PCYT2: variants seen among roughly 807,000 people sequenced by gnomAD.
PCYT2 encodes the protein phosphate cytidylyltransferase 2, ethanolamine.
A neutral mutation model predicts 50.0 loss-of-function variants in PCYT2; 33 were observed. That is an observed-to-expected ratio of 0.66 (90% CI 0.50 to 0.88). PCYT2 has a LOEUF of 0.88. Among genes scored for constraint, PCYT2 ranks in the 40% least tolerant of loss-of-function variants. The probability of loss-of-function intolerance (pLI) is 0.00; values close to 1 mark genes in which losing one functional copy is unlikely to be tolerated. For synonymous variants in PCYT2, 240 were observed against 203.7 expected (o/e 1.18, Z -1.52); for missense variants, 430 against 519.7 (o/e 0.83, Z 1.68).
Position 81,905,720 on chromosome 17 carries a change from C to G in PCYT2, c.853G>C (p.Val285Leu), listed in dbSNP as rs1184493032. The change falls in exon 10 of 13, where the codon GTG becomes CTG. Residue 285 changes from valine to leucine, a missense_variant. Physicochemically the swap from Val to Leu is conservative, Grantham distance 32 (BLOSUM62 1). Around this residue, in one of 4 missense-constraint regions of PCYT2, gnomAD observed 248 missense variants for 300.2 expected, o/e 0.83. Transcript: ENST00000538936. Reference protein sequence around the residue: ...VLACRYVSEVVIGAPYAVTAE... With the variant: ...VLACRYVSEVLIGAPYAVTAE... The stretch of plus-strand genomic sequence containing the variant: ...GTGACCGCGTACGGGGCTCCAATCA[C>G]CACTTCTGACACGTACTGTGGGGAC... The G allele has an allele frequency of 1.2e-6, 2 of 1,613,638 alleles. No homozygotes were observed. Among genetic ancestry groups the G allele is most frequent in the Non-Finnish European group, 1.7e-6 (2 of 1,179,968 alleles).
Position 81,905,874 on chromosome 17 carries a change from C to T in PCYT2, c.838-139G>A, listed in dbSNP as rs571835210. 10 of 893,714 alleles carry T rather than the reference C, an allele frequency of 1.1e-5. No homozygotes were observed. In the East Asian group the frequency reaches 1.7e-4, roughly 15 times the overall value. 55.4% of individuals were successfully genotyped at this position (893,714 alleles called of 1,614,324 possible). ...GGGATGGGCTGGGCAGGCTGGGGACCCCTGGGGCTCCTCCATGAGACAAGA... is the reference window on the plus strand; with the variant it reads ...GGGATGGGCTGGGCAGGCTGGGGACTCCTGGGGCTCCTCCATGAGACAAGA... On this transcript the variant is annotated intron_variant, in intron 9 of 12. Coordinates refer to ENST00000538936, the MANE Select transcript of PCYT2 (RefSeq NM_002861.5).
At chr17:81,909,434 G>A (rs2060261626) in intron 2 of PCYT2, 80 bp downstream of exon 2, 2 of 1,508,270 alleles carry the variant, frequency 1.3e-6, no homozygotes, top group Admixed American at 3.4e-5. Context: ...GGTGGCCCCA[G>A]GCCTGCAGGC....
intron 12 of PCYT2, 48 bp from the exon 13 acceptor site, chr17:81,904,992 C>A: frequency 6.3e-7 from 1 of 1,590,526 alleles, no homozygotes; most frequent in Non-Finnish European, 8.6e-7. Flanking sequence ...GAGGCGGCTC[C>A]GAGGGGGAGG....
chr17:81,910,811 C>CCGAT, intron 1 of PCYT2: 1 of 844,492 alleles, frequency 1.2e-6, no homozygotes, highest in South Asian at 5.4e-5. Context: ...CCAGGGAAGA[C>CCGAT]CGATCGCATT....
intron 2 of PCYT2, 167 bp downstream of exon 2, chr17:81,909,347 A>G (rs1225667099): frequency 7.0e-7 from 1 of 1,430,534 alleles, no homozygotes; most frequent in East Asian, 2.5e-5. Context: ...CAAGATGGGA[A>G]AGGCATTAGG....
At chr17:81,910,022 A>C (rs970108993) in intron 1 of PCYT2, among the ~76,000 whole-genome samples, 2 of 152,192 alleles carry the variant, frequency 1.3e-5, no homozygotes, top group Non-Finnish European at 2.9e-5. Flanking sequence ...ACCTTGAGAC[A>C]AGCAAACAGT....
rs966774238 is a variant in PCYT2 at position 81,911,336 on chromosome 17, C to T, written c.20G>A (p.Gly7Glu). 4.5e-6 allele frequency: 5 copies of T among 1,108,202 alleles called. No homozygotes were observed. The East Asian group carries it at 3.4e-4, about 76-fold the overall frequency. The allele number at this position is 1,108,202 out of a possible 1,614,324, so 68.6% of individuals were successfully genotyped here. A position where few individuals can be genotyped will look rare whatever the true frequency, so the allele number is the denominator to read the frequency against. The stretch of plus-strand genomic sequence containing the variant: ...CGGCTGCTCTGCGCCGCCTGCAGCC[C>T]CGCGCCCGTTCCGGATCATGGCCCC... MIRNGR[G>E]AAGGAEQPGP... Residue 7 changes from glycine (G) to glutamate (E), a missense_variant, in exon 1 of 13, where the codon GGG becomes GAG. This residue lies in a region of PCYT2 where 63 missense variants were observed against 37.5 expected (regional missense o/e 1.68). Coordinates refer to ENST00000538936, the MANE Select transcript of PCYT2 (RefSeq NM_002861.5).
Position 81,902,945 on chromosome 17 carries a change from G to A in PCYT2, c.*1888C>T. 1.9e-6 allele frequency: 1 copy of A among 537,198 alleles called. No homozygotes were observed. Among genetic ancestry groups the A allele is most frequent in the East Asian group, 3.4e-5 (1 of 29,328 alleles). 33.3% of individuals were successfully genotyped at this position (537,198 alleles called of 1,614,324 possible). On this transcript the variant is annotated 3_prime_UTR_variant, in exon 13 of 13. Coordinates refer to ENST00000538936, the MANE Select transcript of PCYT2 (RefSeq NM_002861.5). ...AGGACTGGCAGCCAGGCCACGAGGGGAACGGGACCTGGAAATCCCCAAGCC... is the reference window on the plus strand; with the variant it reads ...AGGACTGGCAGCCAGGCCACGAGGGAAACGGGACCTGGAAATCCCCAAGCC...
At position 81,903,735 on chromosome 17, in the gene PCYT2, C is replaced by G. The variant is rs2040082357; in HGVS notation, c.*1098G>C. 2 of 152,318 alleles carry G rather than the reference C, an allele frequency of 1.3e-5. No homozygotes were observed. The highest frequency in any genetic ancestry group is 6.5e-5 in the Admixed American group (1 of 15,284). The allele number at this position is 152,318 out of a possible 1,614,324, so 9.4% of individuals were successfully genotyped here. A position where few individuals can be genotyped will look rare whatever the true frequency, so the allele number is the denominator to read the frequency against. On this transcript the variant is annotated 3_prime_UTR_variant, in exon 13 of 13. Coordinates refer to ENST00000538936, the MANE Select transcript of PCYT2 (RefSeq NM_002861.5). Reference sequence around the variant, plus strand: ...GTGCACCTCGCCTCCAGCTCCTGTGCTGGGTCGTGAGGTCGACCTCACAAC... The same window carrying G: ...GTGCACCTCGCCTCCAGCTCCTGTGGTGGGTCGTGAGGTCGACCTCACAAC...
rs1028035160 is a variant in PCYT2 at position 81,908,996 on chromosome 17, C to G, written c.220G>C (p.Glu74Gln). Residue 74 changes from glutamate to glutamine, a missense_variant, in exon 3 of 13, where the codon GAG becomes CAG. By Grantham distance (29) the Glu-to-Gln change is conservative. Around this residue, in one of 4 missense-constraint regions of PCYT2, gnomAD observed 117 missense variants for 163.9 expected, o/e 0.71. Coordinates refer to ENST00000538936, the MANE Select transcript of PCYT2 (RefSeq NM_002861.5). The part of the protein sequence containing the change: ...KHKGPPVFTQ[E>Q]ERYKMVQAIK... ...GCCTGCACCATCTTGTATCTCTCCT[C>G]CTGAGTGAACACCGGGGGCCCCTTG... The G allele has an allele frequency of 6.2e-7, 1 of 1,614,024 alleles. No individual in the cohort carries two copies. Among genetic ancestry groups the G allele is most frequent in the African/African-American group, 1.3e-5 (1 of 75,062 alleles).
chr17:81,907,922 C>G, intron 4 of PCYT2, 65 bp from the exon 5 acceptor site: 2 of 1,346,070 alleles, frequency 1.5e-6, no homozygotes, highest in Non-Finnish European at 2.1e-6. Context: ...CTCCTGCTAC[C>G]ACCACTAGGG....
chr17:81,905,769 G>T (rs149169305), intron 9 of PCYT2, 34 bp from the exon 10 acceptor site: 1 of 1,605,768 alleles, frequency 6.2e-7, no homozygotes, highest in South Asian at 1.1e-5. Context: ...AGACTTGCTC[G>T]GTCCCTGCTA....
intron 6 of PCYT2, chr17:81,907,305 C>A: frequency 6.8e-7 from 1 of 1,475,362 alleles, no homozygotes; most frequent in South Asian, 1.3e-5. Context: ...GCCACCTGTC[C>A]ACAGGCAAAT....
At position 81,911,260 on chromosome 17, in the gene PCYT2, C is replaced by T. The variant is rs777459868; in HGVS notation, c.89+7G>A. ...GCCCCCGCGGCCCGCCCCGGCCCCG[C>T]GCTCACCAGCCATCGCACCACACCC... On this transcript the variant is annotated splice_region_variant and intron_variant, in intron 1 of 12. Transcript: ENST00000538936. The T allele has an allele frequency of 2.8e-6, 3 of 1,055,832 alleles. No homozygotes were observed. Among genetic ancestry groups the T allele is most frequent in the East Asian group, 1.6e-4 (2 of 12,224 alleles). The allele number at this position is 1,055,832 out of a possible 1,614,324, so 65.4% of individuals were successfully genotyped here. A position where few individuals can be genotyped will look rare whatever the true frequency, so the allele number is the denominator to read the frequency against.
chr17:81,905,747 G>A lies in PCYT2; in HGVS notation c.838-12C>T, dbSNP rs1339315284. ...ACTTCTGACACGTACTGTGGGGACA[G>A]TGGGGGCAGAAAGACTTGCTCGGTC... On this transcript the variant is annotated splice_polypyrimidine_tract_variant and intron_variant, in intron 9 of 12. Coordinates refer to ENST00000538936, the MANE Select transcript of PCYT2 (RefSeq NM_002861.5). 3 of 1,613,272 alleles carry A rather than the reference G, an allele frequency of 1.9e-6. No individual in the cohort carries two copies. Among genetic ancestry groups the A allele is most frequent in the East Asian group, 2.2e-5 (1 of 44,878 alleles).
At chr17:81,907,462 G>A in intron 6 of PCYT2, 92 bp downstream of exon 6, 1 of 1,387,118 alleles carries the variant, frequency 7.2e-7, no homozygotes, top group Non-Finnish European at 1.0e-6. Flanking sequence ...TGAGGCTCTG[G>A]GCTGGCCTTT....
rs745627865 is a variant in PCYT2 at position 81,907,274 on chromosome 17, G to A, written c.537+280C>T. ...GTGAGGGGGCTACAATGGGAGAGAG[G>A]GCCAGGCCACTTGGTTAGAGGCCAC... On this transcript the variant is annotated intron_variant, in intron 6 of 12. Transcript: ENST00000538936. 7.3e-5 allele frequency: 112 copies of A among 1,527,692 alleles called. 1 individual carries two copies. The highest frequency in any genetic ancestry group is 4.0e-4 in the Admixed American group (20 of 49,800). 94.6% of individuals were successfully genotyped at this position (1,527,692 alleles called of 1,614,324 possible).
chr17:81,908,663 C>A (rs372526475), intron 3 of PCYT2, 29 bp from the exon 4 acceptor site: 6 of 1,594,556 alleles, frequency 3.8e-6, no homozygotes, highest in Non-Finnish European at 5.2e-6. Context: ...GGACAAGGAT[C>A]CTTAACCCAA....
At chr17:81,907,750 C>T (rs527710255) in intron 5 of PCYT2, 23 bp downstream of exon 5, 32 of 1,611,226 alleles carry the variant, frequency 2.0e-5, no homozygotes, top group Admixed American at 3.3e-5. Flanking sequence ...CCAGGGGCCT[C>T]GGGGATTCCG....
Sources: allele counts gnomAD v4.1 joint callset (sites outside exome capture counted in the v4.1 genomes callset), GRCh38; gene constraint gnomAD v4.1.1; regional missense constraint gnomAD v4.1.1; transcripts MANE v1.5; gene names NCBI Gene and HGNC (gene_info 2026-07-23, HGNC 2026-07-21).